The following EPHA7 variants were observed in gnomAD, a reference collection of about 807,000 sequenced individuals.
EPHA7 encodes EPH receptor A7, also known as ephrin type-A receptor 7.
Under a neutral mutation model 112.6 loss-of-function variants are expected in EPHA7, and 25 were observed. The observed-to-expected ratio is 0.22, with a 90% CI of 0.16 to 0.31. EPHA7 has a LOEUF of 0.31. Among genes scored for constraint, EPHA7 ranks in the 10% least tolerant of loss-of-function variants. EPHA7 has a pLI of 1.00. For missense variants in EPHA7, 962 were observed against 1,212.6 expected (o/e 0.79, Z 3.07); for synonymous variants, 437 against 406.5 (o/e 1.07, Z -0.90).
At chr6:93,368,621 T>C (rs149965201) in intron 3 of EPHA7, among the ~76,000 whole-genome samples, 305 of 152,240 alleles carry the variant, frequency 2.0e-3, no homozygotes, top group Non-Finnish European at 3.4e-3. Flanking sequence ...TTTAAATCTA[T>C]ATATTTGTGG....
intron 3 of EPHA7, among the ~76,000 whole-genome samples, chr6:93,399,904 C>T (rs1778356853): frequency 6.6e-6 from 1 of 151,968 alleles, no homozygotes; most frequent in African/African-American, 2.4e-5. Context: ...TAAAAAAACC[C>T]TCTAATTTAT....
At chr6:93,309,131 T>C (rs985166216) in intron 5 of EPHA7, among the ~76,000 whole-genome samples, 1 of 152,098 alleles carries the variant, frequency 6.6e-6, no homozygotes, top group Non-Finnish European at 1.5e-5. Context: ...TTGTATTTAG[T>C]AGAGACAGGG....
At chr6:93,342,510 G>A (rs1165950433) in intron 5 of EPHA7, among the ~76,000 whole-genome samples, 1 of 151,720 alleles carries the variant, frequency 6.6e-6, no homozygotes, top group Non-Finnish European at 1.5e-5. Context: ...TCCCTAGGGT[G>A]CAATTCTTAC....
chr6:93,298,202 G>A (rs568656018), intron 5 of EPHA7, among the ~76,000 whole-genome samples: 4 of 152,222 alleles, frequency 2.6e-5, no homozygotes, highest in East Asian at 3.9e-4. Flanking sequence ...GGAAGGATGC[G>A]TTTAATAATA....
intron 5 of EPHA7, among the ~76,000 whole-genome samples, chr6:93,277,260 C>A (rs1208219391): frequency 5.3e-5 from 8 of 151,844 alleles, no homozygotes; most frequent in Non-Finnish European, 8.8e-5. Context: ...CATCTTTGTA[C>A]TATAGGAAAA....
chr6:93,412,862 T>A (rs1273749003), intron 2 of EPHA7, among the ~76,000 whole-genome samples: 2 of 152,044 alleles, frequency 1.3e-5, no homozygotes, highest in Non-Finnish European at 1.5e-5. Flanking sequence ...TTTATCTAAC[T>A]TCGAGAACAA....
At chr6:93,336,692 TG>T (rs1562105796) in intron 5 of EPHA7, among the ~76,000 whole-genome samples, 3 of 152,048 alleles carry the variant, frequency 2.0e-5, no homozygotes, top group Non-Finnish European at 4.4e-5. Context: ...TGAGCCACCC[TG>T]CCCAGCTCCT....
At chr6:93,299,284 C>T (rs1772842184) in intron 5 of EPHA7, among the ~76,000 whole-genome samples, 1 of 151,540 alleles carries the variant, frequency 6.6e-6, no homozygotes, top group African/African-American at 2.4e-5. Context: ...CGAGATCGCG[C>T]CACTGCACTC....
chr6:93,342,757 C>T (rs921693292), intron 5 of EPHA7, among the ~76,000 whole-genome samples: 3 of 150,840 alleles, frequency 2.0e-5, no homozygotes, highest in Admixed American at 6.6e-5. Flanking sequence ...ATTGAGTTAT[C>T]GTATATATGT....
intron 3 of EPHA7, among the ~76,000 whole-genome samples, chr6:93,388,308 C>A (rs10455552): frequency 6.6e-6 from 1 of 152,024 alleles, no homozygotes; most frequent in African/African-American, 2.4e-5. Context: ...AAGTTGACAT[C>A]TTTTCAAAAG....
chr6:93,301,885 A>T (rs1772995198), intron 5 of EPHA7, among the ~76,000 whole-genome samples: 1 of 152,134 alleles, frequency 6.6e-6, no homozygotes, highest in Admixed American at 6.6e-5. Context: ...TGCACCCATA[A>T]CAGTATAACC....
At chr6:93,358,627 G>C (rs909439883) in intron 3 of EPHA7, among the ~76,000 whole-genome samples, 4 of 152,098 alleles carry the variant, frequency 2.6e-5, no homozygotes, top group Admixed American at 2.6e-4. Context: ...CAGCAAACTT[G>C]CACCTGCAGT....
chr6:93,316,008 G>GGA (rs745740046), intron 5 of EPHA7, among the ~76,000 whole-genome samples: 39 of 152,180 alleles, frequency 2.6e-4, no homozygotes, highest in Middle Eastern at 3.4e-3. Flanking sequence ...TCAAAGAAAT[G>GGA]GCTCAGCTAA....
At position 93,245,497 on chromosome 6, in the gene EPHA7, C is replaced by T. The variant is rs1280105052; in HGVS notation, c.2727-44G>A. ...GAAAAGCGAACATTATCCTGAAATA[C>T]CAAAGAAAGAATGTTTTGGCCCATA... On this transcript the variant is annotated intron_variant, in intron 15 of 16. Coordinates refer to ENST00000369303, the MANE Select transcript of EPHA7 (RefSeq NM_004440.4). The T allele has an allele frequency of 2.5e-6, 4 of 1,581,880 alleles. No individual in the cohort carries two copies. The African/African-American group carries it at 4.1e-5, about 16-fold the overall frequency.
chr6:93,304,130 T>C (rs145795183), intron 5 of EPHA7, among the ~76,000 whole-genome samples: 3 of 150,894 alleles, frequency 2.0e-5, no homozygotes, highest in Admixed American at 6.6e-5. Context: ...CTAGAATGGA[T>C]TGGCTGTCAT....
chr6:93,338,100 A>G (rs141667347), intron 5 of EPHA7, among the ~76,000 whole-genome samples: 15 of 152,176 alleles, frequency 9.9e-5, no homozygotes, highest in East Asian at 5.8e-4. Flanking sequence ...GTTGCCCCCA[A>G]ATCCCCACCA....
Position 93,269,635 on chromosome 6 carries a change from G to T in EPHA7, c.1475C>A (p.Thr492Lys). The change falls in exon 7 of 17, where the codon ACA (threonine) becomes AAA (lysine). Residue 492 changes from threonine to lysine, a missense_variant. Thr to Lys is a moderately conservative substitution (Grantham distance 78). Transcript: ENST00000369303. The stretch of plus-strand genomic sequence containing the variant: ...GGCTGAAGTAGACTTGGTTTTTACT[G>T]TTGAGTAGGTCCGTTCCCTTTGATC... ...EKDQRERTYS[T>K]VKTKSTSASI... 1.3e-6 allele frequency: 2 copies of T among 1,587,726 alleles called. No individual in the cohort carries two copies. Among genetic ancestry groups the T allele is most frequent in the Non-Finnish European group, 1.7e-6 (2 of 1,168,794 alleles).
chr6:93,381,899 T>C (rs1777353910), intron 3 of EPHA7, among the ~76,000 whole-genome samples: 1 of 152,288 alleles, frequency 6.6e-6, no homozygotes, highest in South Asian at 2.1e-4. Context: ...TTCCTCACTT[T>C]GATCTCAGCC....
intron 5 of EPHA7, among the ~76,000 whole-genome samples, chr6:93,354,055 T>C (rs1411762954): frequency 6.6e-6 from 1 of 152,112 alleles, no homozygotes; most frequent in Non-Finnish European, 1.5e-5. Flanking sequence ...CATCAGTGGA[T>C]TGCTGAGGAG....
Sources: gnomAD v4.1 joint callset for allele counts (sites outside exome capture counted in the v4.1 genomes callset) on GRCh38, gnomAD v4.1.1 for gene constraint, MANE v1.5 for transcripts, NCBI Gene and HGNC (gene_info 2026-07-23, HGNC 2026-07-21) for gene names.